ATP10B: variants seen among roughly 807,000 people sequenced by gnomAD.
The protein encoded by ATP10B is ATPase phospholipid transporting 10B (putative), also known as phospholipid-transporting ATPase VB.
A neutral mutation model predicts 141.2 loss-of-function variants in ATP10B; 122 were observed. The ratio of observed to expected loss-of-function variants is 0.86; its 90% CI spans 0.75 to 1.00. The LOEUF (loss-of-function observed/expected upper bound fraction) is 1.00, where lower values mean the gene tolerates loss of function less well. Ranked by LOEUF, ATP10B falls within the 50% of genes least tolerant of loss-of-function variation. ATP10B has a pLI of 0.00. For missense variants in ATP10B, 1,876 were observed against 1,825.3 expected, an observed-to-expected ratio of 1.03 and a Z score of -0.51; for synonymous variants, 685 against 692.0, an observed-to-expected ratio of 0.99 and a Z score of 0.16.
intron 6 of ATP10B, among the ~76,000 whole-genome samples, chr5:160,674,192 A>T (rs551023173): frequency 6.6e-6 from 1 of 152,342 alleles, no homozygotes; most frequent in African/African-American, 2.4e-5. Context: ...GTTTTGATAA[A>T]TACTCGTTGG....
chr5:160,853,947 AT>A (rs1179421391), upstream of ATP10B, among the ~76,000 whole-genome samples: 4 of 152,078 alleles, frequency 2.6e-5, no homozygotes, highest in African/African-American at 7.2e-5. Context: ...GCAATTTAGC[AT>A]TTTTGTATGT....
chr5:160,831,132 T>A (rs1775051186), intron 1 of ATP10B, among the ~76,000 whole-genome samples: 1 of 151,914 alleles, frequency 6.6e-6, no homozygotes. Context: ...TCTTTTAGAT[T>A]CACTCAGCCC....
At chr5:160,831,974 G>C (rs1399853558) in intron 1 of ATP10B, among the ~76,000 whole-genome samples, 2 of 152,062 alleles carry the variant, frequency 1.3e-5, no homozygotes, top group Non-Finnish European at 2.9e-5. Context: ...CTTGAACACA[G>C]AATCCTTTTA....
At chr5:160,877,694 A>G in the ATP10B span, among the ~76,000 whole-genome samples, 2 of 146,634 alleles carry the variant, frequency 1.4e-5, no homozygotes, top group Non-Finnish European at 3.0e-5. Context: ...AAGTCTCAGG[A>G]TACAAAATCA....
At position 160,620,950 on chromosome 5, in the gene ATP10B, C is replaced by T; in HGVS notation, c.1813G>A (p.Val605Ile). 1 of 1,604,294 alleles carries T rather than the reference C, an allele frequency of 6.2e-7. No individual in the cohort carries two copies. The highest frequency in any genetic ancestry group is 8.5e-7 in the Non-Finnish European group (1 of 1,174,922). ...VSTTTEPRQR[V>I]TIKPSSKALG... is the part of the protein sequence containing the mutation. ...GCCTTGCTTGAGGGTTTGATGGTGA[C>T]CTTGTGGCCAAAGAAGGAAAGTGGA... Residue 605 changes from valine to isoleucine, a missense_variant and splice_region_variant, in exon 15 of 26, where the codon GTC (valine) becomes ATC (isoleucine). Coordinates refer to ENST00000327245, the MANE Select transcript of ATP10B (RefSeq NM_025153.3).
intron 1 of ATP10B, among the ~76,000 whole-genome samples, chr5:160,820,629 G>C (rs1301159916): frequency 6.6e-6 from 1 of 151,938 alleles, no homozygotes; most frequent in African/African-American, 2.4e-5. Flanking sequence ...GAATATTGAT[G>C]AAAAAATCCT....
At chr5:160,896,273 T>C in the ATP10B span, among the ~76,000 whole-genome samples, 1 of 151,638 alleles carries the variant, frequency 6.6e-6, no homozygotes, top group Admixed American at 6.6e-5. Context: ...CAGGAACTTG[T>C]TTTTTGAAAA....
At chr5:160,924,733 C>T in the ATP10B span, among the ~76,000 whole-genome samples, 3 of 152,196 alleles carry the variant, frequency 2.0e-5, no homozygotes, top group South Asian at 2.1e-4. Context: ...AATTTCTTCT[C>T]GTCACTTATC....
chr5:160,639,909 A>G (rs1421960), intron 10 of ATP10B, among the ~76,000 whole-genome samples: 134,632 of 152,252 alleles, frequency 0.88, 59,811 homozygotes, highest in African/African-American at 0.95. Flanking sequence ...GGGAGACAGC[A>G]ACAGATCATC....
chr5:160,580,781 CT>C (rs1755496665), intron 24 of ATP10B, among the ~76,000 whole-genome samples: 1 of 152,180 alleles, frequency 6.6e-6, no homozygotes. Flanking sequence ...GTGAATCCGT[CT>C]GGTCCTGGGC....
intron 21 of ATP10B, 61 bp downstream of exon 21, chr5:160,602,516 A>T: frequency 6.2e-7 from 1 of 1,608,834 alleles, no homozygotes; most frequent in East Asian, 2.2e-5. Flanking sequence ...CTAGGGAGAG[A>T]TCTGGCCCCG....
chr5:160,895,367 A>G, the ATP10B span, among the ~76,000 whole-genome samples: 1 of 150,502 alleles, frequency 6.6e-6, no homozygotes, highest in East Asian at 2.0e-4. Context: ...ATATTTACCA[A>G]GCAAAAGGAA....
chr5:160,878,731 G>T, the ATP10B span, among the ~76,000 whole-genome samples: 2 of 152,164 alleles, frequency 1.3e-5, no homozygotes, highest in Admixed American at 1.3e-4. Context: ...CGAAGGACAT[G>T]AACAGACACT....
chr5:160,715,548 G>C (rs1765575280), intron 3 of ATP10B, among the ~76,000 whole-genome samples: 1 of 149,076 alleles, frequency 6.7e-6, no homozygotes, highest in Admixed American at 6.6e-5. Context: ...CGGTACCTCA[G>C]ATGGAAATGC....
At chr5:160,782,780 A>T (rs1486264881) in intron 2 of ATP10B, among the ~76,000 whole-genome samples, 1 of 151,560 alleles carries the variant, frequency 6.6e-6, no homozygotes, top group Non-Finnish European at 1.5e-5. Flanking sequence ...AATGGCAAAA[A>T]ATGACATGTA....
chr5:160,878,039 G>A, the ATP10B span, among the ~76,000 whole-genome samples: 1 of 151,866 alleles, frequency 6.6e-6, no homozygotes, highest in Non-Finnish European at 1.5e-5. Context: ...CTACTTTAAA[G>A]TTCATATGGA....
the ATP10B span, among the ~76,000 whole-genome samples, chr5:160,877,657 T>C: frequency 2.0e-5 from 3 of 149,610 alleles, no homozygotes; most frequent in Non-Finnish European, 4.5e-5. Context: ...GCCCAAAATC[T>C]CCTTAAGCTG....
chr5:160,715,688 C>CTTTA (rs68128776), intron 3 of ATP10B, among the ~76,000 whole-genome samples: 11,212 of 141,566 alleles, frequency 0.079, 583 homozygotes, highest in Admixed American at 0.15. Flanking sequence ...ATTTAGCTTG[C>CTTTA]TTTATTTATT....
intron 1 of ATP10B, among the ~76,000 whole-genome samples, chr5:160,813,330 G>T (rs1410324593): frequency 1.3e-5 from 2 of 152,216 alleles, no homozygotes; most frequent in Non-Finnish European, 2.9e-5. Flanking sequence ...CACACCAGGA[G>T]ATTATATCCC....
Sources: allele counts gnomAD v4.1 joint callset (sites outside exome capture counted in the v4.1 genomes callset), GRCh38; gene constraint gnomAD v4.1.1; transcripts MANE v1.5; gene names NCBI Gene and HGNC (gene_info 2026-07-23, HGNC 2026-07-21).